The following DST variants were observed in gnomAD, a reference collection of about 807,000 sequenced individuals.
DST encodes the protein bullous pemphigoid antigen.
In DST, 253 loss-of-function variants were observed where a neutral mutation model predicts 875.2. That is an observed-to-expected ratio of 0.29 (90% confidence interval 0.26 to 0.32). The LOEUF is 0.32. DST is among the 10% of genes least tolerant of loss of function. The pLI, the probability that DST is intolerant of heterozygous loss-of-function variation, is 1.00. For synonymous variants in DST, 3,124 were observed against 3,197.1 expected, an observed-to-expected ratio of 0.98 and a Z score of 0.77; for missense variants, 8,287 against 9,111.6, an observed-to-expected ratio of 0.91 and a Z score of 3.68.
At position 56,518,210 on chromosome 6, in the gene DST, A is replaced by C. The variant is rs370005869; in HGVS notation, c.18130-590T>G. Among the ~76,000 whole-genome samples the C allele has an allele frequency of 1.8e-4, 27 of 152,302 alleles. 1 individual carries two copies. The highest frequency in any genetic ancestry group is 1.4e-3 in the Admixed American group (21 of 15,280). ...AAAACATTTTTAAGAGCATTCTTAA[A>C]TATTTTAATAAATGTTATTTTCCTG... is the stretch of plus-strand genomic sequence containing the variant. On this transcript the variant is annotated intron_variant, in intron 69 of 103. Coordinates refer to ENST00000680361, the MANE Select transcript of DST (RefSeq NM_001374736.1).
intron 58 of DST, 88 bp downstream of exon 58, chr6:56,560,206 G>C: frequency 8.0e-7 from 1 of 1,252,360 alleles, no homozygotes; most frequent in Non-Finnish European, 1.1e-6. Context: ...ATAAGTGACT[G>C]TTGAATGTTT....
At chr6:56,475,426 C>T (rs531521104) in intron 92 of DST, among the ~76,000 whole-genome samples, 10 of 132,104 alleles carry the variant, frequency 7.6e-5, no homozygotes, top group African/African-American at 2.4e-4. Context: ...CACACACACA[C>T]ACACACACAA....
chr6:56,788,654 T>C (rs2099709993), intron 4 of DST, among the ~76,000 whole-genome samples: 1 of 152,232 alleles, frequency 6.6e-6, no homozygotes, highest in Admixed American at 6.5e-5. Flanking sequence ...TATTTATACA[T>C]GCAAACTACT....
intron 4 of DST, among the ~76,000 whole-genome samples, chr6:56,808,006 C>T (rs1039418961): frequency 6.6e-6 from 1 of 152,174 alleles, no homozygotes; most frequent in East Asian, 1.9e-4. Context: ...TTCTATCCAA[C>T]ATGAATGTCC....
chr6:56,563,538 G>C (rs12581979), intron 55 of DST, among the ~76,000 whole-genome samples: 78 of 152,298 alleles, frequency 5.1e-4, no homozygotes, highest in African/African-American at 1.8e-3. Context: ...TAGGTTGCCT[G>C]TTCACTCTGA....
rs1468384051 is a variant in DST at position 56,572,246 on chromosome 6, T to C, written c.13575A>G (p.Leu4525=). 6.4e-7 allele frequency: 1 copy of C among 1,565,900 alleles called. No individual in the cohort carries two copies. The highest frequency in any genetic ancestry group is 1.2e-5 in the South Asian group (1 of 81,846). The change falls in exon 53 of 104, where the codon TTA becomes TTG. Residue 4525 remains leucine, a synonymous_variant. Coordinates refer to ENST00000680361, the MANE Select transcript of DST (RefSeq NM_001374736.1). ...AAACTTCAAGATGTTTCTTGTGTTC[T>C]AAAAATTCAGAAGTTGATTCCTACA... ...QYMQESTSEF[L]EHKKHLEVLH... is the part of the protein sequence containing the mutation.
chr6:56,891,565 C>CA (rs531964301), intron 3 of DST, among the ~76,000 whole-genome samples: 1,470 of 62,106 alleles, frequency 0.024, 24 homozygotes, highest in East Asian at 0.087. Flanking sequence ...GACTCCGTCT[C>CA]AAAAAAAAAA....
In DST at chr6:56,528,901, T is replaced by C. The variant is rs1353866739; in HGVS notation, c.17620A>G (p.Arg5874Gly). The change falls in exon 67 of 104, where the codon AGG (arginine) becomes GGG (glycine). Residue 5874 changes from arginine (R) to glycine (G), a missense_variant. Coordinates refer to ENST00000680361, the MANE Select transcript of DST (RefSeq NM_001374736.1). ...AAAGCCTGATCTACATTTTGTTTCC[T>C]GAGTAAGATGTCCTCTTGCAGAACC... The part of the protein sequence containing the change: ...LRVLQEDILL[R>G]KQNVDQALLN... 1 of 1,585,768 alleles carries C rather than the reference T, an allele frequency of 6.3e-7. No homozygotes were observed. The highest frequency in any genetic ancestry group is 8.6e-7 in the Non-Finnish European group (1 of 1,163,758).
In DST at chr6:56,532,485, C is replaced by T. The variant is rs116774070; in HGVS notation, c.16967G>A (p.Arg5656Gln). Residue 5656 changes from arginine (R) to glutamine (Q), a missense_variant, in exon 64 of 104, where the codon CGA (arginine) becomes CAA (glutamine). This residue lies in a region of DST where 777 missense variants were observed against 764.8 expected (regional missense o/e 1.02). Transcript: ENST00000680361. ...QKLLQRLLDD[R>Q]KSTVEVIKRE... ...TTTGATTACCTCCACCGTAGATTTT[C>T]GGTCATCCAACAATCTCTGGAGAAG... The T allele has an allele frequency of 1.8e-4, 284 of 1,604,118 alleles. 2 individuals are homozygous for T. The African/African-American group carries it at 3.1e-3, about 18-fold the overall frequency.
chr6:56,765,815 C>T (rs2099631918), intron 4 of DST, among the ~76,000 whole-genome samples: 1 of 152,152 alleles, frequency 6.6e-6, no homozygotes, highest in African/African-American at 2.4e-5. Context: ...CTATGACAGC[C>T]TTTTATTCAA....
At chr6:56,663,569 C>A (rs2099055983) in intron 10 of DST, among the ~76,000 whole-genome samples, 1 of 152,226 alleles carries the variant, frequency 6.6e-6, no homozygotes. Flanking sequence ...CGGTATTAAA[C>A]CAGTCCAATC....
chr6:56,731,462 T>C (rs937155680), intron 5 of DST, among the ~76,000 whole-genome samples: 3 of 152,242 alleles, frequency 2.0e-5, no homozygotes, highest in Non-Finnish European at 4.4e-5. Context: ...TGATATTGTA[T>C]GCTTCAACCT....
At chr6:56,814,692 G>C (rs1369658231) in intron 4 of DST, among the ~76,000 whole-genome samples, 1 of 152,136 alleles carries the variant, frequency 6.6e-6, no homozygotes, top group African/African-American at 2.4e-5. Context: ...CCTGAAAAAT[G>C]AAAATGAACT....
intron 10 of DST, among the ~76,000 whole-genome samples, chr6:56,662,545 C>A (rs2099049545): frequency 1.3e-5 from 2 of 152,174 alleles, no homozygotes; most frequent in Admixed American, 1.3e-4. Context: ...AGAGGACAAC[C>A]AGATGAGCTA....
intron 86 of DST, among the ~76,000 whole-genome samples, chr6:56,487,726 T>C (rs2152432586): frequency 6.6e-6 from 1 of 152,302 alleles, no homozygotes; most frequent in South Asian, 2.1e-4. Context: ...CTCATTATCA[T>C]CTTACACCTA....
At chr6:56,750,476 C>T (rs972678592) in intron 4 of DST, among the ~76,000 whole-genome samples, 2 of 152,090 alleles carry the variant, frequency 1.3e-5, no homozygotes, top group South Asian at 2.1e-4. Context: ...AAATAATATA[C>T]GCTTCTTTAT....
chr6:56,908,932 A>G (rs1797688589), intron 2 of DST, among the ~76,000 whole-genome samples: 1 of 152,244 alleles, frequency 6.6e-6, no homozygotes, highest in Non-Finnish European at 1.5e-5. Context: ...TTAGCATATA[A>G]TCAAGAAATA....
chr6:56,604,996 G>A lies in DST; in HGVS notation c.9632C>T (p.Ala3211Val). Residue 3211 changes from alanine to valine, a missense_variant, in exon 40 of 104, where the codon GCC becomes GTC. Around this residue, in one of 10 missense-constraint regions of DST, gnomAD observed 3,138 missense variants for 3,116.6 expected, o/e 1.01. Transcript: ENST00000680361. ...EDVPSHVLIT[A>V]PPMKEHLQLG... The stretch of plus-strand genomic sequence containing the variant: ...TTGTAAATGTTCTTTCATGGGAGGG[G>A]CAGTTATTAAAACATGGCTTGGGAC... 6.2e-7 allele frequency: 1 copy of A among 1,612,814 alleles called. No homozygotes were observed. Among genetic ancestry groups the A allele is most frequent in the Non-Finnish European group, 8.5e-7 (1 of 1,179,228 alleles).
Position 56,509,922 on chromosome 6 carries a change from C to T in DST, c.18781-49G>A, listed in dbSNP as rs2096434107. 6 of 1,354,736 alleles carry T rather than the reference C, an allele frequency of 4.4e-6. No homozygotes were observed. In the East Asian group the frequency reaches 1.2e-4, roughly 26 times the overall value. The allele number at this position is 1,354,736 out of a possible 1,614,324, so 83.9% of individuals were successfully genotyped here. A position where few individuals can be genotyped will look rare whatever the true frequency, so the allele number is the denominator to read the frequency against. On this transcript the variant is annotated intron_variant, in intron 73 of 103. Transcript: ENST00000680361. Reference sequence around the variant, plus strand: ...TTTATGGAAAAAAGATCTGTAATACCAAGTGTGAAATTTAAATGAAAAAAC... The same window carrying T: ...TTTATGGAAAAAAGATCTGTAATACTAAGTGTGAAATTTAAATGAAAAAAC...
Sources: gnomAD v4.1 joint callset for allele counts (sites outside exome capture counted in the v4.1 genomes callset) on GRCh38, gnomAD v4.1.1 for gene constraint, gnomAD v4.1.1 regional missense constraint, MANE v1.5 for transcripts, NCBI Gene and HGNC (gene_info 2026-07-23, HGNC 2026-07-21) for gene names.